NTRK2: variants seen among roughly 807,000 people sequenced by gnomAD.
NTRK2 encodes neurotrophic receptor tyrosine kinase 2, also known as BDNF/NT-3 growth factors receptor.
Under a neutral mutation model 94.5 loss-of-function variants are expected in NTRK2, and 13 were observed. That is an observed-to-expected ratio of 0.14 (90% confidence interval 0.09 to 0.22). The LOEUF (loss-of-function observed/expected upper bound fraction) is 0.22. NTRK2 is among the 10% of genes least tolerant of loss of function. The pLI, the probability that NTRK2 is intolerant of heterozygous loss-of-function variation, is 1.00. For synonymous variants in NTRK2, 372 were observed against 407.4 expected (o/e 0.91, Z 1.05); for missense variants, 639 against 1,071.2 (o/e 0.60, Z 5.63).
At chr9:84,986,054 T>G (rs4358872) in intron 17 of NTRK2, among the ~76,000 whole-genome samples, 73,332 of 151,954 alleles carry the variant, frequency 0.48, 18,102 homozygotes, top group Middle Eastern at 0.56. Flanking sequence ...CCTCTCAGAG[T>G]TTGAACAGTG....
chr9:84,899,645 C>T (rs141139002), intron 14 of NTRK2, among the ~76,000 whole-genome samples: 4,659 of 152,248 alleles, frequency 0.031, 115 homozygotes, highest in Admixed American at 0.043. Context: ...GCACGTCATA[C>T]GATTCTATAT....
chr9:84,915,321 G>C (rs2077363258), intron 14 of NTRK2, among the ~76,000 whole-genome samples: 1 of 152,202 alleles, frequency 6.6e-6, no homozygotes, highest in Non-Finnish European at 1.5e-5. Context: ...TGTTGAGGTG[G>C]ATCCTGGTGA....
intron 14 of NTRK2, among the ~76,000 whole-genome samples, chr9:84,899,578 T>C (rs1304776032): frequency 5.9e-5 from 9 of 152,188 alleles, no homozygotes; most frequent in Non-Finnish European, 2.9e-5. Flanking sequence ...AACCCACAGT[T>C]TGAGTAACAT....
chr9:84,842,920 A>C (rs1346483717), intron 12 of NTRK2, among the ~76,000 whole-genome samples: 1 of 152,224 alleles, frequency 6.6e-6, no homozygotes, highest in Non-Finnish European at 1.5e-5. Context: ...GAGGCAGAGT[A>C]TGTACCTAGA....
intron 12 of NTRK2, among the ~76,000 whole-genome samples, chr9:84,845,596 G>A (rs866866249): frequency 6.6e-6 from 1 of 152,196 alleles, no homozygotes; most frequent in African/African-American, 2.4e-5. Flanking sequence ...CCATAAAAAC[G>A]AATGAAATGA....
chr9:85,010,287 A>G (rs1588178080), intron 17 of NTRK2, among the ~76,000 whole-genome samples: 1 of 152,206 alleles, frequency 6.6e-6, no homozygotes, highest in African/African-American at 2.4e-5. Context: ...TCATCATAAC[A>G]CAGACAATGA....
chr9:84,795,472 A>T (rs528772889), intron 12 of NTRK2, among the ~76,000 whole-genome samples: 2 of 152,116 alleles, frequency 1.3e-5, no homozygotes, highest in Non-Finnish European at 2.9e-5. Context: ...GTCCCTGCAC[A>T]TGCTGGTGCA....
intron 12 of NTRK2, among the ~76,000 whole-genome samples, chr9:84,771,312 G>A (rs1334573825): frequency 1.3e-5 from 2 of 152,174 alleles, no homozygotes; most frequent in African/African-American, 2.4e-5. Flanking sequence ...CCACAGTGCT[G>A]TTTAGAAAAT....
chr9:85,011,784 A>T (rs1831602355), intron 17 of NTRK2, among the ~76,000 whole-genome samples: 1 of 152,102 alleles, frequency 6.6e-6, no homozygotes, highest in Non-Finnish European at 1.5e-5. Context: ...TATCAGACTG[A>T]AGCTAAAATG....
chr9:84,963,605 C>T (rs768536261), intron 17 of NTRK2, among the ~76,000 whole-genome samples: 3 of 152,164 alleles, frequency 2.0e-5, no homozygotes, highest in African/African-American at 4.8e-5. Context: ...TGTGCTTGGA[C>T]TCACTGGATT....
chr9:84,733,102 A>G (rs2063004327), intron 9 of NTRK2, among the ~76,000 whole-genome samples: 1 of 152,176 alleles, frequency 6.6e-6, no homozygotes, highest in Non-Finnish European at 1.5e-5. Context: ...TTCTCTGGCA[A>G]GGGTCAGGCC....
At chr9:84,787,249 G>A (rs2068213268) in intron 12 of NTRK2, among the ~76,000 whole-genome samples, 1 of 152,222 alleles carries the variant, frequency 6.6e-6, no homozygotes, top group South Asian at 2.1e-4. Context: ...AGTGAGCTGA[G>A]ATCACACCAC....
At chr9:84,742,787 T>A (rs1157232467) in intron 10 of NTRK2, among the ~76,000 whole-genome samples, 1 of 117,860 alleles carries the variant, frequency 8.5e-6, no homozygotes, top group Non-Finnish European at 1.7e-5. Context: ...TCCATTATAT[T>A]AGTTTTTTTT....
In NTRK2 at chr9:84,955,636, CAT is replaced by C. The variant is rs770943067; in HGVS notation, c.2172+120_2172+121del. 3.5e-6 allele frequency: 3 copies of C among 852,682 alleles called. No individual in the cohort carries two copies. In the South Asian group the frequency reaches 4.3e-5, roughly 12 times the overall value. The allele number at this position is 852,682 out of a possible 1,614,324, so 52.8% of individuals were successfully genotyped here. Reference sequence around the variant, plus strand: ...ATGACTGGGTGGCTTAAACGACAGACATGTGTTTCTCATGGCTCTGGAGGCTG... The same window carrying C: ...ATGACTGGGTGGCTTAAACGACAGACGTGTTTCTCATGGCTCTGGAGGCTG... On this transcript the variant is annotated intron_variant, in intron 17 of 18. Coordinates refer to ENST00000277120, the MANE Select transcript of NTRK2 (RefSeq NM_006180.6).
chr9:84,807,485 G>A (rs1242766875), intron 12 of NTRK2, among the ~76,000 whole-genome samples: 2 of 152,208 alleles, frequency 1.3e-5, no homozygotes, highest in Non-Finnish European at 2.9e-5. Context: ...GCGTGCAATG[G>A]TGGCAAAGTT....
In NTRK2 at chr9:85,025,855, G is replaced by A. The variant is rs553178890; in HGVS notation, c.*4418G>A. 5 of 232,746 alleles carry A rather than the reference G, an allele frequency of 2.1e-5. No homozygotes were observed. The Admixed American group carries it at 2.8e-4, about 13-fold the overall frequency. The allele number at this position is 232,746 out of a possible 1,614,324, so 14.4% of individuals were successfully genotyped here. On this transcript the variant is annotated 3_prime_UTR_variant, in exon 19 of 19. Coordinates refer to ENST00000277120, the MANE Select transcript of NTRK2 (RefSeq NM_006180.6). ...TTATGATGCATAATTGGAATGTGGA[G>A]CCTCTGAGGTTGTGATAGCTTGTAC... is the stretch of plus-strand genomic sequence containing the variant.
chr9:84,670,820 C>T lies in NTRK2; in HGVS notation c.72C>T (p.Gly24=), dbSNP rs1353309636. The T allele has an allele frequency of 1.2e-6, 2 of 1,614,156 alleles. No individual in the cohort carries two copies. Among genetic ancestry groups the T allele is most frequent in the East Asian group, 4.5e-5 (2 of 44,886 alleles). ...RLWGFCWLVV[G]FWRAAFACPT... Reference sequence around the variant, plus strand: ...GGGGCTTCTGCTGGCTGGTTGTGGGCTTCTGGAGGGCCGCTTTCGCCTGTC... The same window carrying T: ...GGGGCTTCTGCTGGCTGGTTGTGGGTTTCTGGAGGGCCGCTTTCGCCTGTC... The change falls in exon 2 of 19, where the codon GGC becomes GGT. Residue 24 remains glycine (G), a synonymous_variant. Coordinates refer to ENST00000277120, the MANE Select transcript of NTRK2 (RefSeq NM_006180.6).
intron 3 of NTRK2, 54 bp downstream of exon 3, chr9:84,702,287 T>C (rs950098804): frequency 3.1e-6 from 5 of 1,608,332 alleles, no homozygotes; most frequent in Non-Finnish European, 3.4e-6. Context: ...TGTTGTCTGC[T>C]CTGGTCAGGC....
At chr9:84,915,265 G>C (rs1160159335) in intron 14 of NTRK2, among the ~76,000 whole-genome samples, 1 of 152,106 alleles carries the variant, frequency 6.6e-6, no homozygotes, top group African/African-American at 2.4e-5. Flanking sequence ...GTTACTCTAT[G>C]GTTTGTTTGG....
Sources: allele counts gnomAD v4.1 joint callset (sites outside exome capture counted in the v4.1 genomes callset), GRCh38; gene constraint gnomAD v4.1.1; transcripts MANE v1.5; gene names NCBI Gene and HGNC (gene_info 2026-07-23, HGNC 2026-07-21).